Variants in ASAH2 observed in about 807,000 individuals in gnomAD.
The protein encoded by ASAH2 is neutral ceramidase.
In ASAH2, 58 loss-of-function variants were observed where a neutral mutation model predicts 82.9. The ratio of observed to expected loss-of-function variants is 0.70; its 90% CI spans 0.57 to 0.87. ASAH2 has a LOEUF of 0.87. ASAH2 is among the 40% of genes least tolerant of loss of function. ASAH2 has a pLI of 0.00. For synonymous variants in ASAH2, 276 were observed against 289.7 expected, an observed-to-expected ratio of 0.95 and a Z score of 0.48; for missense variants, 779 against 834.0, an observed-to-expected ratio of 0.93 and a Z score of 0.81.
intron 13 of ASAH2, 69 bp downstream of exon 13, chr10:50,205,913 T>C: frequency 8.3e-7 from 1 of 1,208,730 alleles, no homozygotes; most frequent in Admixed American, 1.7e-5. Context: ...CTACCATTCA[T>C]TACCTGACAG....
In ASAH2 at chr10:50,218,573, G is replaced by T. The variant is rs772780902; in HGVS notation, c.951C>A (p.Asp317Glu). The T allele has an allele frequency of 3.7e-6, 6 of 1,613,738 alleles. No individual in the cohort carries two copies. The highest frequency in any genetic ancestry group is 4.5e-5 in the East Asian group (2 of 44,862). Residue 317 changes from aspartate (D) to glutamate (E), a missense_variant, in exon 8 of 21, where the codon GAC becomes GAA. Coordinates refer to ENST00000682911, the MANE Select transcript of ASAH2 (RefSeq NM_019893.4). Reference sequence around the variant, plus strand: ...GCAGGTAAGATGCATAGCCCACATTGTCACTGTTTACAAGATGGTTACTGT... The same window carrying T: ...GCAGGTAAGATGCATAGCCCACATTTTCACTGTTTACAAGATGGTTACTGT... Reference protein sequence around the residue: ...MNNSNHLVNSDNVGYASYLLE... With the variant: ...MNNSNHLVNSENVGYASYLLE...
chr10:50,222,709 T>C (rs920710625), intron 7 of ASAH2, among the ~76,000 whole-genome samples: 2 of 152,228 alleles, frequency 1.3e-5, no homozygotes, highest in African/African-American at 4.8e-5. Context: ...TGTCATATTT[T>C]TCCTCCATTG....
chr10:50,248,088 T>A (rs111427864), intron 2 of ASAH2, among the ~76,000 whole-genome samples: 1 of 152,226 alleles, frequency 6.6e-6, no homozygotes, highest in African/African-American at 2.4e-5. Context: ...CACAGACTAA[T>A]TGACATTCAT....
At chr10:50,202,087 T>TG (rs1292805520) in intron 16 of ASAH2, among the ~76,000 whole-genome samples, 2 of 152,056 alleles carry the variant, frequency 1.3e-5, no homozygotes, top group Non-Finnish European at 2.9e-5. Context: ...CCTTTTTCAA[T>TG]GGGAATTCCT....
chr10:50,220,522 A>T (rs1215667190), intron 7 of ASAH2, among the ~76,000 whole-genome samples: 2 of 152,066 alleles, frequency 1.3e-5, no homozygotes, highest in Admixed American at 6.6e-5. Flanking sequence ...CTTAGCAAAC[A>T]AACACAGGAA....
intron 12 of ASAH2, among the ~76,000 whole-genome samples, chr10:50,208,598 A>T (rs1845371793): frequency 1.3e-5 from 2 of 152,118 alleles, no homozygotes; most frequent in African/African-American, 4.8e-5. Flanking sequence ...AACAACAAAA[A>T]ATACAAAATT....
At chr10:50,212,032 C>T (rs1379772774) in intron 10 of ASAH2, among the ~76,000 whole-genome samples, 1 of 152,152 alleles carries the variant, frequency 6.6e-6, no homozygotes, top group Non-Finnish European at 1.5e-5. Flanking sequence ...TTAGAATAAT[C>T]CACTGATAAT....
At chr10:50,245,184 G>T (rs1846414203) in intron 3 of ASAH2, 38 bp downstream of exon 3, 4 of 1,469,902 alleles carry the variant, frequency 2.7e-6, no homozygotes, top group Non-Finnish European at 3.8e-6. Flanking sequence ...AAAATTACTT[G>T]TTTCACAGTC....
At chr10:50,194,476 A>G (rs904833321) in intron 18 of ASAH2, among the ~76,000 whole-genome samples, 1 of 151,658 alleles carries the variant, frequency 6.6e-6, no homozygotes, top group Non-Finnish European at 1.5e-5. Flanking sequence ...TAAAACATGA[A>G]AAAGAGAATC....
intron 18 of ASAH2, among the ~76,000 whole-genome samples, chr10:50,194,429 C>T (rs1205066185): frequency 6.6e-6 from 1 of 151,694 alleles, no homozygotes; most frequent in African/African-American, 2.4e-5. Flanking sequence ...AAAACTCCAA[C>T]ACTGATTTCT....
chr10:50,200,864 A>G (rs1306348797), intron 16 of ASAH2, among the ~76,000 whole-genome samples: 3 of 152,050 alleles, frequency 2.0e-5, no homozygotes, highest in Non-Finnish European at 2.9e-5. Flanking sequence ...CAAAGGCCCC[A>G]CCCTTAAGCC....
At chr10:50,193,644 T>TG (rs1844899825) in intron 18 of ASAH2, among the ~76,000 whole-genome samples, 1 of 150,618 alleles carries the variant, frequency 6.6e-6, no homozygotes, top group African/African-American at 2.4e-5. Flanking sequence ...TGAGGGGTGC[T>TG]GGGGGAAGTG....
intron 12 of ASAH2, among the ~76,000 whole-genome samples, chr10:50,208,150 G>A (rs994142638): frequency 1.4e-3 from 207 of 152,006 alleles, no homozygotes; most frequent in African/African-American, 4.8e-3. Flanking sequence ...AGGAATAGAA[G>A]TAAATTTCCT....
chr10:50,243,633 G>A (rs1846367594), intron 3 of ASAH2, among the ~76,000 whole-genome samples: 1 of 152,202 alleles, frequency 6.6e-6, no homozygotes, highest in Admixed American at 6.5e-5. Flanking sequence ...ATGGGCAGGA[G>A]GGAGCTGGTG....
intron 12 of ASAH2, among the ~76,000 whole-genome samples, chr10:50,209,015 G>C (rs1157400619): frequency 1.3e-5 from 2 of 152,170 alleles, no homozygotes; most frequent in Admixed American, 1.3e-4. Context: ...TTTTTAACAA[G>C]TGTGCCAAGA....
At chr10:50,245,154 A>T in intron 3 of ASAH2, 68 bp downstream of exon 3, 1 of 1,275,120 alleles carries the variant, frequency 7.8e-7, no homozygotes, top group Non-Finnish European at 1.1e-6. Context: ...ATCAGAAATG[A>T]ATGCAGGTTG....
chr10:50,227,641 A>G (rs1267110704), intron 7 of ASAH2, among the ~76,000 whole-genome samples: 1 of 152,148 alleles, frequency 6.6e-6, no homozygotes, highest in Non-Finnish European at 1.5e-5. Flanking sequence ...ACTTAGAAAA[A>G]AAAAATAATC....
rs1176474914 is a variant in ASAH2, at chr10:50,214,183, G to A, written c.1140+560C>T. On this transcript the variant is annotated intron_variant, in intron 9 of 20. Transcript: ENST00000682911. ...ATATAATGTTGTTTATGAATGCATA[G>A]GTAAATACATAGGAGGAGGTATGAG... Among the ~76,000 whole-genome samples, 6 of 152,174 alleles carry A rather than the reference G, an allele frequency of 3.9e-5. No individual in the cohort carries two copies. The East Asian group carries it at 1.2e-3, about 29-fold the overall frequency.
intron 7 of ASAH2, among the ~76,000 whole-genome samples, chr10:50,221,516 G>A (rs1488711912): frequency 4.6e-5 from 7 of 152,130 alleles, no homozygotes; most frequent in Non-Finnish European, 8.8e-5. Context: ...TTTGAGTCAA[G>A]TACTATCATT....
Sources: gnomAD v4.1 joint callset for allele counts (sites outside exome capture counted in the v4.1 genomes callset) on GRCh38, gnomAD v4.1.1 for gene constraint, MANE v1.5 for transcripts, NCBI Gene and HGNC (gene_info 2026-07-23, HGNC 2026-07-21) for gene names.